The following CALN1 variants were observed in gnomAD, a reference collection of about 807,000 sequenced individuals.
CALN1 encodes calneuron 1.
CALN1 carries 17 observed loss-of-function variants against 30.6 expected under a neutral mutation model. That is an observed-to-expected ratio of 0.56 (90% CI 0.38 to 0.83). CALN1 has a LOEUF of 0.83. CALN1 is among the 40% of genes least tolerant of loss of function. The pLI, the probability that CALN1 is intolerant of heterozygous loss-of-function variation, is 0.00. For synonymous variants in CALN1, 156 were observed against 131.4 expected (o/e 1.19, Z -1.28); for missense variants, 291 against 354.9 (o/e 0.82, Z 1.45).
At chr7:72,219,655 A>G (rs1172103734) in intron 3 of CALN1, among the ~76,000 whole-genome samples, 1 of 149,938 alleles carries the variant, frequency 6.7e-6, no homozygotes, top group Admixed American at 6.8e-5. Flanking sequence ...ACACACACGC[A>G]CACACACCCT....
intron 3 of CALN1, among the ~76,000 whole-genome samples, chr7:72,179,571 T>C (rs1265383037): frequency 6.6e-6 from 1 of 151,956 alleles, no homozygotes; most frequent in Non-Finnish European, 1.5e-5. Context: ...AATAAATATA[T>C]ATATATGAAT....
At chr7:71,916,753 C>T (rs1306481425) in intron 5 of CALN1, among the ~76,000 whole-genome samples, 2 of 152,024 alleles carry the variant, frequency 1.3e-5, no homozygotes, top group Non-Finnish European at 2.9e-5. Context: ...CAGATGTTTA[C>T]CTGTGTAACA....
chr7:72,403,319 CTT>C lies in CALN1; in HGVS notation c.49_50del (p.Lys17GlyfsTer51). 6.5e-7 allele frequency: 1 copy of C among 1,550,116 alleles called. No homozygotes were observed. Among genetic ancestry groups the C allele is most frequent in the Non-Finnish European group, 8.7e-7 (1 of 1,146,968 alleles). ...PGEGKPENEKKGDGGALGGGE... is the reference protein window; with the variant it reads ...PGEGKPENEKXGDGGALGGGE... Reference sequence around the variant, plus strand: ...CCCCTCCGAGGGCTCCTCCGTCCCCCTTTTTCTCATTCTCGGGCTTCCCCTCT... The same window carrying C: ...CCCCTCCGAGGGCTCCTCCGTCCCCCTTTCTCATTCTCGGGCTTCCCCTCT... On this transcript the variant is annotated frameshift_variant, in exon 2 of 7. Coordinates refer to ENST00000395275, the MANE Select transcript of CALN1 (RefSeq NM_031468.4). LOFTEE classifies it high-confidence loss of function.
At chr7:72,028,037 C>T (rs549226904) in intron 4 of CALN1, among the ~76,000 whole-genome samples, 6 of 120,168 alleles carry the variant, frequency 5.0e-5, no homozygotes, top group Non-Finnish European at 9.8e-5. Context: ...CCAGCCTGGG[C>T]GACAGAGCGA....
chr7:71,991,526 GCAA>G (rs1396579569), intron 5 of CALN1, among the ~76,000 whole-genome samples: 1 of 150,612 alleles, frequency 6.6e-6, no homozygotes, highest in Admixed American at 6.6e-5. Context: ...TTTTAGAAGT[GCAA>G]AGCAAAGTAA....
chr7:72,386,529 G>C (rs1052115081), intron 2 of CALN1, among the ~76,000 whole-genome samples: 1 of 152,230 alleles, frequency 6.6e-6, no homozygotes, highest in African/African-American at 2.4e-5. Context: ...TGGATGGTAG[G>C]AGCCAGATTG....
At chr7:72,466,600 C>T in the CALN1 span, among the ~76,000 whole-genome samples, 4 of 151,806 alleles carry the variant, frequency 2.6e-5, no homozygotes, top group Admixed American at 1.3e-4. Flanking sequence ...AAAAAGTAGC[C>T]GGAGTGGTGG....
At chr7:72,390,978 T>C (rs1805542436) in intron 2 of CALN1, among the ~76,000 whole-genome samples, 1 of 152,194 alleles carries the variant, frequency 6.6e-6, no homozygotes, top group Non-Finnish European at 1.5e-5. Flanking sequence ...AAAATATATT[T>C]TTTTCTGACT....
chr7:71,911,247 T>G (rs888831033), intron 5 of CALN1, among the ~76,000 whole-genome samples: 3 of 152,194 alleles, frequency 2.0e-5, no homozygotes, highest in African/African-American at 7.2e-5. Flanking sequence ...AGTCTCCACA[T>G]TTGCTGAGAA....
intron 3 of CALN1, among the ~76,000 whole-genome samples, chr7:72,138,272 G>T (rs540414749): frequency 6.6e-6 from 1 of 152,008 alleles, no homozygotes; most frequent in African/African-American, 2.4e-5. Context: ...AGATGATCAT[G>T]TATTTTTATT....
At chr7:71,896,509 C>G (rs375981870) in intron 5 of CALN1, among the ~76,000 whole-genome samples, 92 of 152,182 alleles carry the variant, frequency 6.0e-4, no homozygotes, top group African/African-American at 2.1e-3. Flanking sequence ...TGCGAAAGAA[C>G]AAAAAACAAT....
intron 2 of CALN1, among the ~76,000 whole-genome samples, chr7:72,298,600 C>A (rs990509637): frequency 4.6e-5 from 7 of 152,084 alleles, no homozygotes; most frequent in African/African-American, 1.7e-4. Context: ...AAGCCTCTTG[C>A]CCATTATCTA....
Position 72,069,330 on chromosome 7 carries a change from T to C in CALN1, c.388+36821A>G, listed in dbSNP as rs184375422. On this transcript the variant is annotated intron_variant, in intron 4 of 6. Transcript: ENST00000395275. ...ATCTTGGACTAGTTTCCTGAGGCAG[T>C]TGTAGCCAAGTATCACCCACCTGGT... 3.9e-5 allele frequency among the ~76,000 whole-genome samples: 6 copies of C among 152,210 alleles called. No individual in the cohort carries two copies. In the East Asian group the frequency reaches 7.7e-4, roughly 20 times the overall value.
intron 6 of CALN1, among the ~76,000 whole-genome samples, chr7:71,798,321 T>A (rs1300603644): frequency 6.6e-6 from 1 of 151,998 alleles, no homozygotes; most frequent in Non-Finnish European, 1.5e-5. Flanking sequence ...ATTTATTTAT[T>A]TATTTATTTA....
the CALN1 span, among the ~76,000 whole-genome samples, chr7:72,464,512 A>G: frequency 6.6e-6 from 1 of 152,174 alleles, no homozygotes; most frequent in African/African-American, 2.4e-5. Context: ...TCCTCCCTTC[A>G]TGCCAATCCC....
chr7:72,262,628 A>C (rs1482541955), intron 3 of CALN1, among the ~76,000 whole-genome samples: 1 of 152,146 alleles, frequency 6.6e-6, no homozygotes, highest in African/African-American at 2.4e-5. Context: ...TTCTGCATTA[A>C]TTCACTTAGG....
chr7:72,000,052 A>G, intron 5 of CALN1, among the ~76,000 whole-genome samples: 1 of 152,178 alleles, frequency 6.6e-6, no homozygotes, highest in East Asian at 1.9e-4. Context: ...ATAAAAATAC[A>G]GAGAACTGAA....
At chr7:71,800,477 T>C (rs1440387491) in intron 6 of CALN1, among the ~76,000 whole-genome samples, 3 of 152,158 alleles carry the variant, frequency 2.0e-5, no homozygotes, top group African/African-American at 4.8e-5. Flanking sequence ...GTTGGTGATT[T>C]CGCTTTACTT....
intron 3 of CALN1, among the ~76,000 whole-genome samples, chr7:72,143,496 T>C (rs978849639): frequency 1.3e-5 from 2 of 152,176 alleles, no homozygotes; most frequent in Non-Finnish European, 2.9e-5. Flanking sequence ...AATCTACGAC[T>C]GATTGGTGTA....
Sources: allele counts gnomAD v4.1 joint callset (sites outside exome capture counted in the v4.1 genomes callset), GRCh38; gene constraint gnomAD v4.1.1; transcripts MANE v1.5; gene names NCBI Gene and HGNC (gene_info 2026-07-23, HGNC 2026-07-21).